Variants in ITPR1 observed in about 807,000 individuals in gnomAD.
ITPR1 encodes inositol 1,4,5-trisphosphate-gated calcium channel ITPR1.
Under a neutral mutation model 318.4 loss-of-function variants are expected in ITPR1, and 96 were observed. The ratio of observed to expected loss-of-function variants is 0.30; its 90% CI spans 0.26 to 0.36. The LOEUF (loss-of-function observed/expected upper bound fraction) is 0.36, where lower values mean the gene tolerates loss of function less well. Among genes scored for constraint, ITPR1 ranks in the 10% least tolerant of loss-of-function variants. ITPR1 has a pLI of 1.00. For synonymous variants in ITPR1, 1,312 were observed against 1,289.9 expected, an observed-to-expected ratio of 1.02 and a Z score of -0.37; for missense variants, 2,440 against 3,460.2, an observed-to-expected ratio of 0.71 and a Z score of 7.40.
At chr3:4,536,952 T>A (rs2083925959) in intron 4 of ITPR1, among the ~76,000 whole-genome samples, 1 of 120,506 alleles carries the variant, frequency 8.3e-6, no homozygotes, top group Non-Finnish European at 1.7e-5. Flanking sequence ...AAGGGGGATT[T>A]TTTGGGGTCA....
chr3:4,783,769 G>A, intron 50 of ITPR1, 47 bp from the exon 51 acceptor site: 2 of 1,375,020 alleles, frequency 1.5e-6, no homozygotes, highest in Non-Finnish European at 1.0e-6. Context: ...CTGTGTTCCT[G>A]TTGTGAAGAG....
At chr3:4,588,739 T>C (rs2090134701) in intron 4 of ITPR1, among the ~76,000 whole-genome samples, 1 of 152,164 alleles carries the variant, frequency 6.6e-6, no homozygotes, top group Non-Finnish European at 1.5e-5. Context: ...ACAGGCATAC[T>C]AGACATAATT....
At chr3:4,506,548 T>G (rs1271430577) in intron 2 of ITPR1, among the ~76,000 whole-genome samples, 1 of 152,240 alleles carries the variant, frequency 6.6e-6, no homozygotes. Flanking sequence ...GTCTTGCTTG[T>G]TTTATCTGTT....
chr3:4,494,137 GA>G (rs1019605634), intron 1 of ITPR1, among the ~76,000 whole-genome samples: 4 of 152,230 alleles, frequency 2.6e-5, no homozygotes, highest in African/African-American at 9.6e-5. Context: ...TTCTCGCCGG[GA>G]AACAAGTGCT....
At chr3:4,728,021 G>T (rs1305517310) in intron 42 of ITPR1, among the ~76,000 whole-genome samples, 2 of 152,174 alleles carry the variant, frequency 1.3e-5, no homozygotes, top group African/African-American at 4.8e-5. Flanking sequence ...TACTGGATCT[G>T]AGCATTTGTT....
chr3:4,802,662 T>TAA (rs200444849), intron 54 of ITPR1, among the ~76,000 whole-genome samples: 16 of 150,348 alleles, frequency 1.1e-4, no homozygotes, highest in Middle Eastern at 3.4e-3. Flanking sequence ...CCCTCTCTAC[T>TAA]AAAAAAAAAT....
At position 4,824,098 on chromosome 3, in the gene ITPR1, G is replaced by A. The variant is rs190107669; in HGVS notation, c.8028+5856G>A. On this transcript the variant is annotated intron_variant, in intron 60 of 61. Coordinates refer to ENST00000649015, the MANE Select transcript of ITPR1 (RefSeq NM_001378452.1). ...GCTACTTCTGTAGGACAGCATATTC[G>A]TCGACTAACGTGGACAGTGAAATAT... 1.2e-3 allele frequency among the ~76,000 whole-genome samples: 182 copies of A among 152,236 alleles called. 5 individuals are homozygous for A. The South Asian group carries it at 0.035, about 30-fold the overall frequency.
rs1553743650 is a variant in ITPR1 at position 4,782,607 on chromosome 3, CTCT to C, written c.6388-7_6388-5del. 2.5e-6 allele frequency: 4 copies of C among 1,598,700 alleles called. No homozygotes were observed. In the African/African-American group the frequency reaches 5.4e-5, roughly 22 times the overall value. ...TGAAACAGGATTTTTGTTCCCTTGG[CTCT>C]TCTTGCAGGTGGAAGTGATCAAGAA... is the stretch of plus-strand genomic sequence containing the variant. On this transcript the variant is annotated splice_polypyrimidine_tract_variant and intron_variant, in intron 49 of 61. Transcript: ENST00000649015.
intron 10 of ITPR1, among the ~76,000 whole-genome samples, chr3:4,648,550 C>G (rs1178421838): frequency 6.6e-6 from 1 of 152,238 alleles, no homozygotes; most frequent in Non-Finnish European, 1.5e-5. Flanking sequence ...TGGCTCATGC[C>G]TGTAATCCCA....
intron 40 of ITPR1, 101 bp downstream of exon 40, chr3:4,717,500 G>A (rs757824991): frequency 7.5e-5 from 72 of 959,830 alleles, no homozygotes; most frequent in East Asian, 6.7e-4. Flanking sequence ...TCACAGCGTC[G>A]AGTATCTGGC....
chr3:4,666,834 G>A (rs1007795986), intron 17 of ITPR1, among the ~76,000 whole-genome samples: 1 of 152,224 alleles, frequency 6.6e-6, no homozygotes, highest in African/African-American at 2.4e-5. Context: ...AACCAGAGAT[G>A]TATTCATGAG....
chr3:4,654,434 A>G (rs541439148), intron 12 of ITPR1, among the ~76,000 whole-genome samples: 2 of 152,326 alleles, frequency 1.3e-5, no homozygotes, highest in Admixed American at 6.5e-5. Context: ...TAAGTGCAAA[A>G]TGGCTCTTTC....
At chr3:4,533,529 C>T (rs1227626890) in intron 4 of ITPR1, among the ~76,000 whole-genome samples, 2 of 152,230 alleles carry the variant, frequency 1.3e-5, no homozygotes, top group Non-Finnish European at 2.9e-5. Flanking sequence ...AGCCTCAGCA[C>T]TCAGTGAAGA....
rs1279055568 is a variant in ITPR1 at position 4,683,540 on chromosome 3, G to A, written c.3316G>A (p.Ala1106Thr). 6.2e-7 allele frequency: 1 copy of A among 1,613,748 alleles called. No individual in the cohort carries two copies. The highest frequency in any genetic ancestry group is 1.3e-5 in the African/African-American group (1 of 74,950). ...CAGCCAGAGGCAGGAGGTGCTCCAGGCCTTCAAACAGGTAGCTCAGGTCAC... is the reference window on the plus strand; with the variant it reads ...CAGCCAGAGGCAGGAGGTGCTCCAGACCTTCAAACAGGTAGCTCAGGTCAC... ...HFSQRQEVLQ[A>T]FKQVQLLVTS... The change falls in exon 27 of 62, where the codon GCC (alanine) becomes ACC (threonine). Residue 1106 changes from alanine to threonine, a missense_variant. Transcript: ENST00000649015.
chr3:4,514,780 A>G (rs1488924591), intron 2 of ITPR1, among the ~76,000 whole-genome samples: 1 of 152,234 alleles, frequency 6.6e-6, no homozygotes, highest in African/African-American at 2.4e-5. Flanking sequence ...TGACCCTTTA[A>G]GATAAAGCTT....
intron 4 of ITPR1, among the ~76,000 whole-genome samples, chr3:4,615,304 G>A (rs1037643514): frequency 9.2e-5 from 14 of 152,042 alleles, no homozygotes; most frequent in African/African-American, 2.9e-4. Flanking sequence ...GCTACTGGTT[G>A]GAAGGAACCT....
chr3:4,716,506 A>G (rs1292821969), intron 39 of ITPR1, among the ~76,000 whole-genome samples: 3 of 152,220 alleles, frequency 2.0e-5, no homozygotes, highest in Admixed American at 6.5e-5. Context: ...CTGTTTTAGT[A>G]CTAGAAAGTA....
intron 43 of ITPR1, among the ~76,000 whole-genome samples, chr3:4,734,948 A>G (rs909918075): frequency 8.5e-5 from 13 of 152,196 alleles, no homozygotes; most frequent in African/African-American, 3.1e-4. Context: ...CTGAATTCAA[A>G]CACCATCTCT....
At chr3:4,824,755 G>T (rs1220265387) in intron 60 of ITPR1, among the ~76,000 whole-genome samples, 1 of 152,138 alleles carries the variant, frequency 6.6e-6, no homozygotes, top group Non-Finnish European at 1.5e-5. Flanking sequence ...AGTTAGATGG[G>T]GTGTGACTTT....
Sources: allele counts gnomAD v4.1 joint callset (sites outside exome capture counted in the v4.1 genomes callset), GRCh38; gene constraint gnomAD v4.1.1; transcripts MANE v1.5; gene names NCBI Gene and HGNC (gene_info 2026-07-23, HGNC 2026-07-21).